DNAH12: variants seen among roughly 807,000 people sequenced by gnomAD.
DNAH12 encodes axonemal beta dynein heavy chain 12.
A neutral mutation model predicts 371.5 loss-of-function variants in DNAH12; 285 were observed. The ratio of observed to expected loss-of-function variants is 0.77; its 90% CI spans 0.70 to 0.85. DNAH12 has a LOEUF of 0.85. Among genes scored for constraint, DNAH12 ranks in the 40% least tolerant of loss-of-function variants. DNAH12 has a pLI of 0.00. For missense variants in DNAH12, 3,611 were observed against 3,689.4 expected (o/e 0.98, Z 0.55); for synonymous variants, 1,200 against 1,213.0 (o/e 0.99, Z 0.22).
intron 11 of DNAH12, among the ~76,000 whole-genome samples, chr3:57,494,540 C>A (rs913329211): frequency 3.3e-5 from 5 of 151,096 alleles, no homozygotes; most frequent in African/African-American, 9.7e-5. Flanking sequence ...TTAGCCTGGG[C>A]AACAGAGTGA....
At chr3:57,326,418 GA>G (rs1376247561) in intron 62 of DNAH12, among the ~76,000 whole-genome samples, 3 of 152,176 alleles carry the variant, frequency 2.0e-5, no homozygotes, top group African/African-American at 4.8e-5. Context: ...CATTCTTAAA[GA>G]AAAGAATTTT....
Position 57,403,492 on chromosome 3 carries a change from C to CA in DNAH12, c.6764dup (p.Leu2255PhefsTer50). On this transcript the variant is annotated frameshift_variant, in exon 43 of 74. Transcript: ENST00000495027. LOFTEE classifies it high-confidence loss of function. ...CTCGACATATTCTTGATAAATGTTC[C>CA]AAAACATACCTACCACAAAAGAAAA... 1.3e-6 allele frequency: 2 copies of CA among 1,542,490 alleles called. No homozygotes were observed. The highest frequency in any genetic ancestry group is 1.7e-6 in the Non-Finnish European group (2 of 1,143,470).
At chr3:57,520,592 G>A (rs911301328) in intron 4 of DNAH12, among the ~76,000 whole-genome samples, 1 of 151,420 alleles carries the variant, frequency 6.6e-6, no homozygotes, top group Admixed American at 6.6e-5. Flanking sequence ...ACAGGCGCCC[G>A]CCACCACGCC....
chr3:57,460,676 C>T (rs1300064045), intron 19 of DNAH12, among the ~76,000 whole-genome samples: 2 of 152,100 alleles, frequency 1.3e-5, no homozygotes, highest in African/African-American at 2.4e-5. Context: ...CTGTTTTCTC[C>T]GAATAATGAC....
At chr3:57,350,810 T>C (rs576871218) in intron 60 of DNAH12, among the ~76,000 whole-genome samples, 9 of 152,164 alleles carry the variant, frequency 5.9e-5, no homozygotes, top group African/African-American at 1.7e-4. Context: ...AAAAACCCAA[T>C]AGAGAAATGG....
At chr3:57,473,579 A>G (rs994895880) in intron 13 of DNAH12, among the ~76,000 whole-genome samples, 1 of 151,890 alleles carries the variant, frequency 6.6e-6, no homozygotes, top group African/African-American at 2.4e-5. Context: ...TTTACCCTCT[A>G]TATCTTTCAT....
chr3:57,441,396 A>G (rs771039804), intron 29 of DNAH12, among the ~76,000 whole-genome samples: 1 of 152,204 alleles, frequency 6.6e-6, no homozygotes, highest in Non-Finnish European at 1.5e-5. Flanking sequence ...AAGAGAAAAA[A>G]AGAGGCATGA....
In DNAH12 at chr3:57,390,124, G is replaced by A. The variant is rs1388961797; in HGVS notation, c.7305+1748C>T. Among the ~76,000 whole-genome samples, 12 of 148,878 alleles carry A rather than the reference G, an allele frequency of 8.1e-5. No individual in the cohort carries two copies. The East Asian group carries it at 8.8e-4, about 11-fold the overall frequency. On this transcript the variant is annotated intron_variant, in intron 45 of 73. Coordinates refer to ENST00000495027, the MANE Select transcript of DNAH12 (RefSeq NM_001366028.2). ...GCTGGGATTACAGGCGTGAGCCACCGTGCCCAACTGAGAGCACCAATATTG... is the reference window on the plus strand; with the variant it reads ...GCTGGGATTACAGGCGTGAGCCACCATGCCCAACTGAGAGCACCAATATTG...
intron 47 of DNAH12, among the ~76,000 whole-genome samples, chr3:57,386,054 C>T (rs914905903): frequency 1.8e-4 from 28 of 152,020 alleles, no homozygotes; most frequent in Non-Finnish European, 3.1e-4. Flanking sequence ...TTACGTTGAA[C>T]TAACACTAGT....
chr3:57,429,735 G>T lies in DNAH12; in HGVS notation c.5020C>A (p.Gln1674Lys), dbSNP rs753180106. The T allele has an allele frequency of 1.7e-5, 26 of 1,532,780 alleles. No homozygotes were observed. The highest frequency in any genetic ancestry group is 3.8e-5 in the South Asian group (3 of 78,484). 94.9% of individuals were successfully genotyped at this position (1,532,780 alleles called of 1,614,324 possible). ...MSGEIIQMSP[Q>K]MSLIFETMDL... ...ATTGTTTCAAAGATGAGGCTCATTT[G>T]GGGGGACATCTGAATGATTTCTCCA... The change falls in exon 33 of 74, where the codon CAA becomes AAA. Residue 1674 changes from glutamine (Q) to lysine (K), a missense_variant. Around this residue, in one of 3 missense-constraint regions of DNAH12, gnomAD observed 2,266 missense variants for 2,236.9 expected, o/e 1.01. Coordinates refer to ENST00000495027, the MANE Select transcript of DNAH12 (RefSeq NM_001366028.2).
chr3:57,478,184 T>C (rs1255509497), intron 13 of DNAH12, among the ~76,000 whole-genome samples: 1 of 151,934 alleles, frequency 6.6e-6, no homozygotes, highest in African/African-American at 2.4e-5. Flanking sequence ...GAAAAAAAAT[T>C]AGACGAATGG....
At chr3:57,530,519 TTCA>T in intron 2 of DNAH12, 1 of 719,540 alleles carries the variant, frequency 1.4e-6, no homozygotes, top group Non-Finnish European at 2.5e-6. Flanking sequence ...TCTTTTTCCT[TTCA>T]TCATATTTCT....
At position 57,413,878 on chromosome 3, in the gene DNAH12, T is replaced by C. The variant is rs1409531074; in HGVS notation, c.5888A>G (p.Lys1963Arg). Residue 1963 changes from lysine (K) to arginine (R), a missense_variant, in exon 39 of 74, where the codon AAA (lysine) becomes AGA (arginine). Lys to Arg is a conservative substitution (Grantham distance 26). Around this residue, in one of 3 missense-constraint regions of DNAH12, gnomAD observed 2,266 missense variants for 2,236.9 expected, o/e 1.01. Coordinates refer to ENST00000495027, the MANE Select transcript of DNAH12 (RefSeq NM_001366028.2). Reference sequence around the variant, plus strand: ...TCCCATAGGTGGTCCAAAGACTCCTTTGCGTCTTTTATCCAATCTAGCCAT... The same window carrying C: ...TCCCATAGGTGGTCCAAAGACTCCTCTGCGTCTTTTATCCAATCTAGCCAT... ...IIMARLDKRR[K>R]GVFGPPMGKK... The C allele has an allele frequency of 1.3e-6, 2 of 1,550,986 alleles. No individual in the cohort carries two copies. The highest frequency in any genetic ancestry group is 8.7e-7 in the Non-Finnish European group (1 of 1,146,646).
intron 60 of DNAH12, among the ~76,000 whole-genome samples, chr3:57,338,023 T>C (rs1178279079): frequency 3.3e-5 from 5 of 149,874 alleles, no homozygotes; most frequent in African/African-American, 7.6e-5. Context: ...CTCTCTCTCT[T>C]CTCTCTCTTT....
chr3:57,510,635 C>T (rs1031164386), intron 5 of DNAH12, among the ~76,000 whole-genome samples, 155 bp downstream of exon 5: 3 of 150,756 alleles, frequency 2.0e-5, no homozygotes, highest in African/African-American at 4.9e-5. Context: ...GATCATGTCT[C>T]GAAGAAAAAA....
At chr3:57,328,209 T>A (rs905557638) in intron 62 of DNAH12, among the ~76,000 whole-genome samples, 5 of 151,426 alleles carry the variant, frequency 3.3e-5, no homozygotes, top group African/African-American at 1.2e-4. Flanking sequence ...TAACTCATTT[T>A]ATGAGGCCAG....
chr3:57,471,713 A>C (rs6445887), intron 14 of DNAH12, 107 bp from the exon 15 acceptor site: 689,771 of 1,019,716 alleles, frequency 0.68, 233,958 homozygotes, highest in South Asian at 0.76. Context: ...AGAAGTAAAA[A>C]TGAGTACAAA....
Position 57,296,914 on chromosome 3 carries a change from G to A in DNAH12, c.11465C>T (p.Thr3822Ile), listed in dbSNP as rs1464490116. The change falls in exon 71 of 74, where the codon ACT becomes ATT. Residue 3822 changes from threonine (T) to isoleucine (I), a missense_variant. Around this residue, in one of 3 missense-constraint regions of DNAH12, gnomAD observed 2,266 missense variants for 2,236.9 expected, o/e 1.01. Coordinates refer to ENST00000495027, the MANE Select transcript of DNAH12 (RefSeq NM_001366028.2). Reference sequence around the variant, plus strand: ...TCTGGCATAATTCTGCATAGCTCCAGTTAAAAAGGCCTGAGTGAAAAAGAA... The same window carrying A: ...TCTGGCATAATTCTGCATAGCTCCAATTAAAAAGGCCTGAGTGAAAAAGAA... ...SGFFFTQAFL[T>I]GAMQNYARKY... The A allele has an allele frequency of 2.6e-6, 4 of 1,551,646 alleles. No individual in the cohort carries two copies. The highest frequency in any genetic ancestry group is 3.5e-6 in the Non-Finnish European group (4 of 1,146,984).
At chr3:57,541,873 A>T (rs900700798) in intron 2 of DNAH12, among the ~76,000 whole-genome samples, 2 of 152,298 alleles carry the variant, frequency 1.3e-5, no homozygotes, top group African/African-American at 4.8e-5. Context: ...TGGCAATGAT[A>T]CTTAGCTGCA....
Sources: gnomAD v4.1 joint callset for allele counts (sites outside exome capture counted in the v4.1 genomes callset) on GRCh38, gnomAD v4.1.1 for gene constraint, gnomAD v4.1.1 regional missense constraint, MANE v1.5 for transcripts, NCBI Gene and HGNC (gene_info 2026-07-23, HGNC 2026-07-21) for gene names.